The following RBBP8 variants were observed in gnomAD, a reference collection of about 807,000 sequenced individuals.
The protein encoded by RBBP8 is RB binding protein 8, endonuclease, also known as DNA endonuclease RBBP8.
RBBP8 carries 88 observed loss-of-function variants against 108.3 expected under a neutral mutation model. The ratio of observed to expected loss-of-function variants is 0.81; its 90% CI spans 0.68 to 0.97. The LOEUF is 0.97. RBBP8 is among the 50% of genes least tolerant of loss of function. The probability of loss-of-function intolerance (pLI) is 0.00; values close to 1 mark genes in which losing one functional copy is unlikely to be tolerated. For missense variants in RBBP8, 1,023 were observed against 1,049.0 expected (o/e 0.98, Z 0.34); for synonymous variants, 332 against 348.2 (o/e 0.95, Z 0.52).
intron 2 of RBBP8, among the ~76,000 whole-genome samples, chr18:22,916,779 C>T (rs1278896356): frequency 6.6e-6 from 1 of 152,100 alleles, no homozygotes; most frequent in Non-Finnish European, 1.5e-5. Context: ...ATTTGCCCAA[C>T]TTGTGGATCC....
intron 1 of RBBP8, chr18:22,933,786 G>C (rs968322991): frequency 3.3e-5 from 5 of 152,334 alleles, no homozygotes; most frequent in African/African-American, 1.2e-4. Flanking sequence ...TCCCGCGCGG[G>C]CTGAGGAAGC....
chr18:22,922,185 T>C (rs1909620065), intron 3 of RBBP8, among the ~76,000 whole-genome samples: 1 of 152,150 alleles, frequency 6.6e-6, no homozygotes, highest in Non-Finnish European at 1.5e-5. Flanking sequence ...CTTGTTTGTA[T>C]AATATGTAAA....
intron 6 of RBBP8, among the ~76,000 whole-genome samples, chr18:22,977,112 T>A (rs1196372205): frequency 6.6e-6 from 1 of 152,114 alleles, no homozygotes; most frequent in African/African-American, 2.4e-5. Flanking sequence ...TCTTTTATTC[T>A]CTTCTGAAAT....
chr18:22,987,858 T>A (rs1915438428), intron 8 of RBBP8, among the ~76,000 whole-genome samples: 1 of 152,246 alleles, frequency 6.6e-6, no homozygotes, highest in South Asian at 2.1e-4. Context: ...ACTTTTTTCC[T>A]GGTTTCCCAA....
chr18:22,948,955 T>G (rs552917424), intron 3 of RBBP8, among the ~76,000 whole-genome samples: 4 of 152,318 alleles, frequency 2.6e-5, no homozygotes, highest in Non-Finnish European at 5.9e-5. Context: ...ATTCTGGTTG[T>G]CTTTGTTAGT....
intron 16 of RBBP8, among the ~76,000 whole-genome samples, chr18:23,011,993 C>T (rs1471155778): frequency 6.6e-6 from 1 of 151,650 alleles, no homozygotes; most frequent in Non-Finnish European, 1.5e-5. Context: ...CTGTGATGAG[C>T]AAATCGAGAC....
upstream of RBBP8, chr18:22,929,544 G>GTGTGTGTGTA (rs1567939829): frequency 7.9e-6 from 1 of 126,136 alleles, no homozygotes; most frequent in African/African-American, 3.2e-5. Flanking sequence ...GTGTGTGTGT[G>GTGTGTGTGTA]TGTGTGTATG....
At position 22,996,444 on chromosome 18, in the gene RBBP8, T is replaced by C. The variant is rs755196412; in HGVS notation, c.2010T>C (p.Val670=). 10 of 1,613,614 alleles carry C rather than the reference T, an allele frequency of 6.2e-6. No homozygotes were observed. ...GADLSQYKMD[V]TVIDTKDGSQ... ...ACCTTTCTCAGTATAAAATGGATGT[T>C]ACTGTAATAGATACAAAGGTAAGTT... Residue 670 remains valine (V), a synonymous_variant, in exon 13 of 19, where the codon GTT becomes GTC. Coordinates refer to ENST00000327155, the MANE Select transcript of RBBP8 (RefSeq NM_002894.3).
chr18:22,933,703 C>G (rs944424002), intron 1 of RBBP8, 139 bp downstream of exon 1: 5 of 152,756 alleles, frequency 3.3e-5, no homozygotes, highest in Non-Finnish European at 7.3e-5. Flanking sequence ...ATGAAATAGG[C>G]CGGGCCCGGG....
At chr18:22,997,550 T>C (rs1217232627) in intron 13 of RBBP8, 70 bp from the exon 14 acceptor site, 2 of 971,800 alleles carry the variant, frequency 2.1e-6, no homozygotes, top group African/African-American at 3.3e-5. Context: ...CAAAATGTTT[T>C]GTAAAAATTA....
chr18:22,947,102 A>G (rs1474613312), intron 3 of RBBP8, among the ~76,000 whole-genome samples: 2 of 152,096 alleles, frequency 1.3e-5, no homozygotes, highest in African/African-American at 4.8e-5. Flanking sequence ...AACACTTACT[A>G]AGAAAATTCT....
intron 4 of RBBP8, among the ~76,000 whole-genome samples, chr18:22,962,678 C>T (rs1241652298): frequency 6.6e-6 from 1 of 151,256 alleles, no homozygotes; most frequent in Non-Finnish European, 1.5e-5. Context: ...CGAGCTCACA[C>T]ACATACACAC....
chr18:22,938,310 T>A (rs939432116), intron 2 of RBBP8, among the ~76,000 whole-genome samples: 1 of 151,980 alleles, frequency 6.6e-6, no homozygotes, highest in Non-Finnish European at 1.5e-5. Context: ...TGTTTTTGTT[T>A]TTGTTTTTTT....
At chr18:22,964,630 T>TTTTAA (rs549475550) in intron 4 of RBBP8, among the ~76,000 whole-genome samples, 3 of 150,638 alleles carry the variant, frequency 2.0e-5, no homozygotes, top group Non-Finnish European at 4.4e-5. Flanking sequence ...TAATTTTTAA[T>TTTTAA]TTTTATTTTA....
intron 7 of RBBP8, among the ~76,000 whole-genome samples, chr18:22,983,906 C>T (rs1003722873): frequency 1.5e-5 from 2 of 137,744 alleles, no homozygotes; most frequent in Non-Finnish European, 3.3e-5. Flanking sequence ...ATGGTGAAAC[C>T]CTGTATGTAC....
chr18:22,938,266 G>A (rs971035196), intron 2 of RBBP8, among the ~76,000 whole-genome samples: 1 of 152,112 alleles, frequency 6.6e-6, no homozygotes, highest in African/African-American at 2.4e-5. Flanking sequence ...CAAGTAGTTG[G>A]GACTACAGGC....
At position 22,993,243 on chromosome 18, in the gene RBBP8, T is replaced by G; in HGVS notation, c.1416T>G (p.Pro472=). 1 of 1,614,222 alleles carries G rather than the reference T, an allele frequency of 6.2e-7. No individual in the cohort carries two copies. Among genetic ancestry groups the G allele is most frequent in the African/African-American group, 1.3e-5 (1 of 75,060 alleles). Residue 472 remains proline, a synonymous_variant, in exon 11 of 19, where the codon CCT becomes CCG. Transcript: ENST00000327155. ...CTTTTGATAAAGAAAATGCTTTCCC[T>G]TTTCCAATGGATAATCAGTTTTCCA... ...QASFDKENAF[P]FPMDNQFSMN... is the part of the protein sequence containing the mutation.
chr18:22,949,347 A>C lies in RBBP8; in HGVS notation c.153-271A>C, dbSNP rs183262643. ...AGAGAAATACTATTTACATTAATAA[A>C]TATATGCAAAATAATAAAATAATGT... On this transcript the variant is annotated intron_variant, in intron 3 of 18. Coordinates refer to ENST00000327155, the MANE Select transcript of RBBP8 (RefSeq NM_002894.3). Among the ~76,000 whole-genome samples, 387 of 152,346 alleles carry C rather than the reference A, an allele frequency of 2.5e-3. 1 individual carries two copies. Among genetic ancestry groups the C allele is most frequent in the African/African-American group, 9.0e-3 (374 of 41,586 alleles).
chr18:22,967,773 A>T (rs939468904), intron 4 of RBBP8, among the ~76,000 whole-genome samples: 1 of 151,012 alleles, frequency 6.6e-6, no homozygotes, highest in Non-Finnish European at 1.5e-5. Context: ...CAGCCTCCCG[A>T]GTAGCTGGGA....
Sources: allele counts gnomAD v4.1 joint callset (sites outside exome capture counted in the v4.1 genomes callset), GRCh38; gene constraint gnomAD v4.1.1; transcripts MANE v1.5; gene names NCBI Gene and HGNC (gene_info 2026-07-23, HGNC 2026-07-21).